Variants in FKBP5 observed in about 807,000 individuals in gnomAD.
FKBP5 encodes FKBP prolyl isomerase 5.
FKBP5 carries 23 observed loss-of-function variants against 50.5 expected under a neutral mutation model. The ratio of observed to expected loss-of-function variants is 0.46; its 90% CI spans 0.33 to 0.65. FKBP5 has a LOEUF of 0.65. Among genes scored for constraint, FKBP5 ranks in the 30% least tolerant of loss-of-function variants. The pLI is 0.02. For synonymous variants in FKBP5, 176 were observed against 190.6 expected, an observed-to-expected ratio of 0.92 and a Z score of 0.63; for missense variants, 411 against 553.1, an observed-to-expected ratio of 0.74 and a Z score of 2.58.
Position 35,651,922 on chromosome 6 carries a change from T to C in FKBP5, c.-19-9079A>G, listed in dbSNP as rs914039618. ...CAGAACTCATTGTTCAGTATGAGTT[T>C]TGATACATATAAGAAGGTGTTGCAG... On this transcript the variant is annotated intron_variant, in intron 1 of 10. Transcript: ENST00000357266. 6 of 1,100,226 alleles carry C rather than the reference T, an allele frequency of 5.5e-6. No homozygotes were observed. The African/African-American group carries it at 6.6e-5, about 12-fold the overall frequency. The allele number at this position is 1,100,226 out of a possible 1,614,324, so 68.2% of individuals were successfully genotyped here.
chr6:35,712,856 T>C (rs1361508403), intron 2 of FKBP5, among the ~76,000 whole-genome samples: 1 of 152,078 alleles, frequency 6.6e-6, no homozygotes, highest in East Asian at 1.9e-4. Context: ...CAAAACTACT[T>C]AGTAAACCTT....
At chr6:35,637,265 T>C in intron 2 of FKBP5, 107 bp from the exon 3 acceptor site, 1 of 925,628 alleles carries the variant, frequency 1.1e-6, no homozygotes, top group Non-Finnish European at 1.6e-6. Context: ...GATATGCAAA[T>C]ATACTATTAT....
At chr6:35,579,148 A>ACG (rs963708839) in intron 9 of FKBP5, among the ~76,000 whole-genome samples, 9 of 148,878 alleles carry the variant, frequency 6.0e-5, no homozygotes, top group Non-Finnish European at 1.2e-4. Context: ...AAACACACAC[A>ACG]CGCGCGCGCG....
At chr6:35,665,230 A>G (rs1211475304) in intron 1 of FKBP5, among the ~76,000 whole-genome samples, 2 of 151,958 alleles carry the variant, frequency 1.3e-5, no homozygotes, top group African/African-American at 4.8e-5. Context: ...CAACAAATCT[A>G]AACTTCTCAA....
Position 35,653,208 on chromosome 6 carries a change from G to C in FKBP5, c.-19-10365C>G, listed in dbSNP as rs117060392. 1.1e-4 allele frequency among the ~76,000 whole-genome samples: 17 copies of C among 152,238 alleles called. No individual in the cohort carries two copies. In the East Asian group the frequency reaches 2.7e-3, roughly 24 times the overall value. On this transcript the variant is annotated intron_variant, in intron 1 of 10. Coordinates refer to ENST00000357266, the MANE Select transcript of FKBP5 (RefSeq NM_004117.4). ...CATCTTCACAAAAATTTAAAAATTA[G>C]CTGGGTATTGGGGCATGTGCCTGTA...
At chr6:35,665,227 T>C (rs1765180743) in intron 1 of FKBP5, among the ~76,000 whole-genome samples, 1 of 151,822 alleles carries the variant, frequency 6.6e-6, no homozygotes, top group South Asian at 2.1e-4. Flanking sequence ...ACACAACAAA[T>C]CTAAACTTCT....
At chr6:35,620,583 CCCAAAGAA>C (rs1411682494) in intron 3 of FKBP5, among the ~76,000 whole-genome samples, 2 of 151,086 alleles carry the variant, frequency 1.3e-5, no homozygotes, top group African/African-American at 4.9e-5. Context: ...AAAAAAACAC[CCCAAAGAA>C]CCAAAGAACA....
At position 35,614,099 on chromosome 6, in the gene FKBP5, G is replaced by T. The variant is rs564424259; in HGVS notation, c.508+4997C>A. ...TTTGCAGAGACAAGGTCTCTATGTT[G>T]CTCAGGATGGTCTCAAATTCCTGAG... is the stretch of plus-strand genomic sequence containing the variant. On this transcript the variant is annotated intron_variant, in intron 5 of 10. Coordinates refer to ENST00000357266, the MANE Select transcript of FKBP5 (RefSeq NM_004117.4). 2.6e-5 allele frequency among the ~76,000 whole-genome samples: 4 copies of T among 152,240 alleles called. No individual in the cohort carries two copies. The South Asian group carries it at 8.3e-4, about 32-fold the overall frequency.
intron 2 of FKBP5, among the ~76,000 whole-genome samples, chr6:35,696,171 C>A (rs1561900082): frequency 7.0e-6 from 1 of 143,688 alleles, no homozygotes; most frequent in East Asian, 2.1e-4. Flanking sequence ...AAAAGACAGT[C>A]TTTAGTGGAA....
chr6:35,580,132 T>G lies in FKBP5; in HGVS notation c.930A>C (p.Lys310Asn). The G allele has an allele frequency of 6.2e-7, 1 of 1,614,108 alleles. No individual in the cohort carries two copies. Among genetic ancestry groups the G allele is most frequent in the Non-Finnish European group, 8.5e-7 (1 of 1,179,944 alleles). The change falls in exon 9 of 11, where the codon AAA becomes AAC. Residue 310 changes from lysine to asparagine, a missense_variant. By Grantham distance (94) the Lys-to-Asn change is moderately conservative. Coordinates refer to ENST00000357266, the MANE Select transcript of FKBP5 (RefSeq NM_004117.4). Reference sequence around the variant, plus strand: ...CAGCAAGGAGAAATGATTCAGAAGCTTTCGATTCCTTTTCTGATAAACCAT... The same window carrying G: ...CAGCAAGGAGAAATGATTCAGAAGCGTTCGATTCCTTTTCTGATAAACCAT... ...MEYGLSEKES[K>N]ASESFLLAAF...
intron 7 of FKBP5, 132 bp from the exon 8 acceptor site, chr6:35,587,249 T>C: frequency 1.3e-6 from 1 of 792,350 alleles, no homozygotes; most frequent in Non-Finnish European, 2.1e-6. Context: ...AAATTGTGTG[T>C]CAGTGCCAAT....
At chr6:35,695,988 C>CA (rs1219029096) in intron 2 of FKBP5, among the ~76,000 whole-genome samples, 5 of 151,162 alleles carry the variant, frequency 3.3e-5, no homozygotes, top group African/African-American at 9.7e-5. Flanking sequence ...ACAGAAAATA[C>CA]AAAAAAATTA....
intron 1 of FKBP5, among the ~76,000 whole-genome samples, chr6:35,724,474 G>T (rs571019815): frequency 7.2e-4 from 110 of 152,320 alleles, no homozygotes; most frequent in African/African-American, 2.6e-3. Context: ...CTCCAAGGAG[G>T]CAGAGTTCTC....
At chr6:35,702,659 A>G (rs1376266445) in intron 2 of FKBP5, among the ~76,000 whole-genome samples, 1 of 151,856 alleles carries the variant, frequency 6.6e-6, no homozygotes, top group South Asian at 2.1e-4. Context: ...TCACCGTGTT[A>G]GCCAGGATGG....
chr6:35,637,277 C>A, intron 2 of FKBP5, 119 bp from the exon 3 acceptor site: 2 of 835,384 alleles, frequency 2.4e-6, no homozygotes, highest in Middle Eastern at 2.3e-4. Context: ...TACTATTATC[C>A]ATTCTTTCTA....
chr6:35,597,438 T>C, intron 5 of FKBP5, 34 bp from the exon 6 acceptor site: 1 of 1,601,386 alleles, frequency 6.2e-7, no homozygotes, highest in Non-Finnish European at 8.5e-7. Context: ...TCAACAGAGC[T>C]GCTTCTTAGG....
At chr6:35,651,630 C>T (rs1764800991) in intron 1 of FKBP5, among the ~76,000 whole-genome samples, 1 of 152,124 alleles carries the variant, frequency 6.6e-6, no homozygotes, top group South Asian at 2.1e-4. Context: ...CTTTTAATAT[C>T]CAAGTCTTAC....
intron 8 of FKBP5, chr6:35,583,314 AG>A: frequency 9.1e-6 from 9 of 985,440 alleles, no homozygotes; most frequent in African/African-American, 1.7e-5. Flanking sequence ...AAGAAGAGCC[AG>A]GGAGGACAAA....
At position 35,574,430 on chromosome 6, in the gene FKBP5, G is replaced by A. The variant is rs965751126; in HGVS notation, c.*1405C>T. The A allele has an allele frequency of 6.6e-6, 1 of 152,208 alleles. No individual in the cohort carries two copies. The highest frequency in any genetic ancestry group is 1.5e-5 in the Non-Finnish European group (1 of 68,040). 9.4% of individuals were successfully genotyped at this position (152,208 alleles called of 1,614,324 possible). On this transcript the variant is annotated 3_prime_UTR_variant, in exon 11 of 11. Coordinates refer to ENST00000357266, the MANE Select transcript of FKBP5 (RefSeq NM_004117.4). ...TTCCCATGAGTGTTTCTTAGGCTGA[G>A]GGAATAGAGAGCCATGCTCAATCTG...
Sources: allele counts gnomAD v4.1 joint callset (sites outside exome capture counted in the v4.1 genomes callset), GRCh38; gene constraint gnomAD v4.1.1; transcripts MANE v1.5; gene names NCBI Gene and HGNC (gene_info 2026-07-23, HGNC 2026-07-21).